CPOX: variants seen among roughly 807,000 people sequenced by gnomAD.
CPOX encodes the protein coproporphyrinogen oxidase.
In CPOX, 24 loss-of-function variants were observed where a neutral mutation model predicts 48.9. That is an observed-to-expected ratio of 0.49 (90% confidence interval 0.36 to 0.69). The LOEUF is 0.69. Among genes scored for constraint, CPOX ranks in the 30% least tolerant of loss-of-function variants. CPOX has a pLI of 0.00. For synonymous variants in CPOX, 249 were observed against 234.6 expected, an observed-to-expected ratio of 1.06 and a Z score of -0.56; for missense variants, 549 against 597.3, an observed-to-expected ratio of 0.92 and a Z score of 0.84.
chr3:98,593,319 C>T lies in CPOX; in HGVS notation c.186G>A (p.Leu62=). ...GPAGTEQSRG[L]GHGSTSRGGP... Reference sequence around the variant, plus strand: ...CGCCTCTCGACGTCGAGCCGTGCCCCAGCCCGCGGCTCTGCTCCGTGCCAG... The same window carrying T: ...CGCCTCTCGACGTCGAGCCGTGCCCTAGCCCGCGGCTCTGCTCCGTGCCAG... The change falls in exon 1 of 7, where the codon CTG becomes CTA. Residue 62 remains leucine (L), a synonymous_variant. Transcript: ENST00000647941. 7.0e-7 allele frequency: 1 copy of T among 1,435,088 alleles called. No homozygotes were observed. The highest frequency in any genetic ancestry group is 9.1e-7 in the Non-Finnish European group (1 of 1,102,660). 88.9% of individuals were successfully genotyped at this position (1,435,088 alleles called of 1,614,324 possible).
chr3:98,593,548 C>G lies in CPOX; in HGVS notation c.-44G>C. The G allele has an allele frequency of 6.7e-7, 1 of 1,503,226 alleles. No homozygotes were observed. Among genetic ancestry groups the G allele is most frequent in the Non-Finnish European group, 8.9e-7 (1 of 1,129,332 alleles). 93.1% of individuals were successfully genotyped at this position (1,503,226 alleles called of 1,614,324 possible). A position where few individuals can be genotyped will look rare whatever the true frequency, so the allele number is the denominator to read the frequency against. The stretch of plus-strand genomic sequence containing the variant: ...GGAGCAGTGCCTGCGTCCCAGAGCC[C>G]TGCGTTTGAGCCCCCCACCCAGACC... On this transcript the variant is annotated 5_prime_UTR_variant, in exon 1 of 7. Coordinates refer to ENST00000647941, the MANE Select transcript of CPOX (RefSeq NM_000097.7).
intron 3 of CPOX, 78 bp downstream of exon 3, chr3:98,590,554 T>C (rs1434384091): frequency 9.8e-7 from 1 of 1,021,666 alleles, no homozygotes; most frequent in Non-Finnish European, 1.5e-6. Context: ...TTCTCGCTTT[T>C]AGATGTTATG....
At chr3:98,583,222 C>T (rs1484098152) in intron 5 of CPOX, among the ~76,000 whole-genome samples, 1 of 152,144 alleles carries the variant, frequency 6.6e-6, no homozygotes, top group East Asian at 1.9e-4. Context: ...CACCAAGTTG[C>T]ACTTAGATCT....
At chr3:98,586,281 G>A (rs1707362428) in intron 4 of CPOX, among the ~76,000 whole-genome samples, 1 of 152,172 alleles carries the variant, frequency 6.6e-6, no homozygotes, top group African/African-American at 2.4e-5. Context: ...TATCGATAGT[G>A]TATTTCTTGG....
intron 6 of CPOX, 54 bp from the exon 7 acceptor site, chr3:98,580,824 C>T (rs1418603642): frequency 6.3e-7 from 1 of 1,587,640 alleles, no homozygotes; most frequent in Non-Finnish European, 8.6e-7. Context: ...ACACACATAC[C>T]TCTTTACTTA....
At chr3:98,575,305 T>C (rs375030771), downstream of CPOX, among the ~76,000 whole-genome samples, 1 of 152,216 alleles carries the variant, frequency 6.6e-6, no homozygotes, top group Non-Finnish European at 1.5e-5. Context: ...ATTGAAACCA[T>C]GATGGCTTGG....
intron 1 of CPOX, 31 bp from the exon 2 acceptor site, chr3:98,591,186 T>C (rs373637695): frequency 4.3e-6 from 7 of 1,613,724 alleles, no homozygotes; most frequent in Non-Finnish European, 5.9e-6. Context: ...AAGGAGAGAA[T>C]GTAAGAGTAT....
downstream of CPOX, among the ~76,000 whole-genome samples, chr3:98,575,915 C>CAA (rs1361706807): frequency 8.0e-5 from 11 of 138,296 alleles, no homozygotes; most frequent in Admixed American, 7.8e-4. Context: ...TAAATAAATA[C>CAA]AAAAAAATTA....
In CPOX at chr3:98,590,310, G is replaced by C. The variant is rs4857404; in HGVS notation, c.811+322C>G. On this transcript the variant is annotated intron_variant, in intron 3 of 6. Coordinates refer to ENST00000647941, the MANE Select transcript of CPOX (RefSeq NM_000097.7). The stretch of plus-strand genomic sequence containing the variant: ...CTACAGGTGCGTGCCAGCACGCCCA[G>C]CTAAGTTTTTGTATTTTTAGTAGAG... Among the ~76,000 whole-genome samples the C allele has an allele frequency of 0.42, 63,320 of 152,256 alleles. 15,524 individuals carry two copies. The highest frequency in any genetic ancestry group is 0.55 in the South Asian group (2,634 of 4,832).
At chr3:98,573,850 T>C in the CPOX span, among the ~76,000 whole-genome samples, 1 of 152,220 alleles carries the variant, frequency 6.6e-6, no homozygotes, top group South Asian at 2.1e-4. Flanking sequence ...CATTGTAATA[T>C]TTGAGCCTTT....
chr3:98,588,907 C>G, intron 3 of CPOX, 53 bp from the exon 4 acceptor site: 1 of 1,597,256 alleles, frequency 6.3e-7, no homozygotes, highest in Non-Finnish European at 8.6e-7. Flanking sequence ...TTCAGCATTA[C>G]TGGCTATATT....
chr3:98,584,096 C>T (rs1339529354), intron 5 of CPOX, among the ~76,000 whole-genome samples: 1 of 152,238 alleles, frequency 6.6e-6, no homozygotes. Flanking sequence ...CAAACCATTA[C>T]TCCTGTCTAT....
intron 5 of CPOX, among the ~76,000 whole-genome samples, 166 bp from the exon 6 acceptor site, chr3:98,581,677 C>T (rs1332946990): frequency 6.6e-6 from 1 of 152,142 alleles, no homozygotes; most frequent in Non-Finnish European, 1.5e-5. Flanking sequence ...TCCATCTGGA[C>T]AGGCAGAAAT....
At chr3:98,592,346 GGTTTTGATGCTCAA>G (rs1056301982) in intron 1 of CPOX, among the ~76,000 whole-genome samples, 2 of 152,154 alleles carry the variant, frequency 1.3e-5, no homozygotes, top group African/African-American at 4.8e-5. Context: ...ACGAGAACTG[GGTTTTGATGCTCAA>G]GTATTTTGAT....
chr3:98,573,676 T>A, the CPOX span, among the ~76,000 whole-genome samples: 2 of 152,226 alleles, frequency 1.3e-5, no homozygotes, highest in Admixed American at 1.3e-4. Context: ...AGACACAACC[T>A]GGTATGTTAA....
rs908488631 is a variant in CPOX, at chr3:98,593,450, C to T, written c.55G>A (p.Gly19Ser). Residue 19 changes from glycine to serine, a missense_variant, in exon 1 of 7, where the codon GGC becomes AGC. Transcript: ENST00000647941. The stretch of plus-strand genomic sequence containing the variant: ...CAGGCGCGGGGCCCTCCGCAGCCGC[C>T]CCGCGCCACGAGCCAGCAGGGGCCC... Reference protein sequence around the residue: ...SSGPCWLVARGGCGGPRAWSQ... With the variant: ...SSGPCWLVARSGCGGPRAWSQ... 2.5e-5 allele frequency: 38 copies of T among 1,491,784 alleles called. No homozygotes were observed. The highest frequency in any genetic ancestry group is 1.6e-4 in the African/African-American group (11 of 68,970). 92.4% of individuals were successfully genotyped at this position (1,491,784 alleles called of 1,614,324 possible). A position where few individuals can be genotyped will look rare whatever the true frequency, so the allele number is the denominator to read the frequency against.
rs1255945019 is a variant in CPOX at position 98,590,510 on chromosome 3, ATT to A, written c.811+120_811+121del. ...GCACTTGCCAAGAAATTGCCTTTAC[ATT>A]GCCTCCTGAAAGACCTAATTAAGAC... is the stretch of plus-strand genomic sequence containing the variant. On this transcript the variant is annotated intron_variant, in intron 3 of 6. Transcript: ENST00000647941. 5 of 763,792 alleles carry A rather than the reference ATT, an allele frequency of 6.5e-6. No individual in the cohort carries two copies. The Admixed American group carries it at 9.9e-5, about 15-fold the overall frequency. The allele number at this position is 763,792 out of a possible 1,614,324, so 47.3% of individuals were successfully genotyped here.
At chr3:98,587,251 T>C (rs1210967136) in intron 4 of CPOX, among the ~76,000 whole-genome samples, 1 of 152,220 alleles carries the variant, frequency 6.6e-6, no homozygotes, top group East Asian at 1.9e-4. Context: ...ATTAACATAG[T>C]CTAAAAAAGT....
chr3:98,571,675 G>C, the CPOX span, among the ~76,000 whole-genome samples: 1 of 138,580 alleles, frequency 7.2e-6, no homozygotes, highest in Admixed American at 7.3e-5. Flanking sequence ...GCGACAGAGC[G>C]AGACTCCGTC....
Sources: gnomAD v4.1 joint callset for allele counts (sites outside exome capture counted in the v4.1 genomes callset) on GRCh38, gnomAD v4.1.1 for gene constraint, MANE v1.5 for transcripts, NCBI Gene and HGNC (gene_info 2026-07-23, HGNC 2026-07-21) for gene names.